Variants in TMEM120B observed in about 807,000 individuals in gnomAD.
TMEM120B encodes transmembrane protein 120B.
Under a neutral mutation model 55.5 loss-of-function variants are expected in TMEM120B, and 31 were observed. That is an observed-to-expected ratio of 0.56 (90% CI 0.42 to 0.75). TMEM120B has a LOEUF of 0.75. Ranked by LOEUF, TMEM120B falls within the 30% of genes least tolerant of loss-of-function variation. The probability of loss-of-function intolerance (pLI) is 0.00; values close to 1 mark genes in which losing one functional copy is unlikely to be tolerated. For synonymous variants in TMEM120B, 203 were observed against 176.3 expected, an observed-to-expected ratio of 1.15 and a Z score of -1.20; for missense variants, 399 against 425.5, an observed-to-expected ratio of 0.94 and a Z score of 0.55.
At chr12:121,728,289 A>G (rs1592926540) in intron 1 of TMEM120B, among the ~76,000 whole-genome samples, 1 of 151,676 alleles carries the variant, frequency 6.6e-6, no homozygotes, top group Non-Finnish European at 1.5e-5. Context: ...GGAGATCGAG[A>G]CCATCCTGGC....
chr12:121,752,143 C>A lies in TMEM120B; in HGVS notation c.381C>A (p.Asp127Glu), dbSNP rs751427238. Reference protein sequence around the residue: ...LSNQAKFAYKDEYEKFKLYLT... With the variant: ...LSNQAKFAYKEEYEKFKLYLT... ...GTCGTGGCAGGTTCGCCTACAAGGA[C>A]GAATATGAGAAGTTCAAGCTCTACC... The change falls in exon 5 of 12, where the codon GAC becomes GAA. Residue 127 changes from aspartate to glutamate, a missense_variant. Asp to Glu is a conservative substitution (Grantham distance 45, BLOSUM62 2). Transcript: ENST00000449592. 4 of 1,613,236 alleles carry A rather than the reference C, an allele frequency of 2.5e-6. No homozygotes were observed. The Admixed American group carries it at 6.7e-5, about 27-fold the overall frequency.
intron 1 of TMEM120B, among the ~76,000 whole-genome samples, chr12:121,731,643 C>T (rs1260609776): frequency 6.6e-6 from 1 of 152,314 alleles, no homozygotes; most frequent in East Asian, 1.9e-4. Context: ...TGTAGGTGTA[C>T]TCTAACGTTT....
chr12:121,736,014 G>T (rs1233256709), intron 1 of TMEM120B, among the ~76,000 whole-genome samples: 1 of 151,914 alleles, frequency 6.6e-6, no homozygotes, highest in Non-Finnish European at 1.5e-5. Flanking sequence ...CTATAAAAGT[G>T]TTACTACCTA....
intron 10 of TMEM120B, 85 bp downstream of exon 10, chr12:121,774,807 C>T: frequency 6.8e-7 from 1 of 1,468,122 alleles, no homozygotes; most frequent in Non-Finnish European, 9.3e-7. Context: ...CCTCCTTCTC[C>T]ATCCGTCCCC....
At chr12:121,731,280 C>T (rs559990297) in intron 1 of TMEM120B, among the ~76,000 whole-genome samples, 3 of 152,120 alleles carry the variant, frequency 2.0e-5, no homozygotes, top group African/African-American at 7.2e-5. Context: ...CAGGCGTAGT[C>T]TTGCTTTGTC....
At chr12:121,770,799 C>T (rs532601420) in intron 6 of TMEM120B, 108 bp from the exon 7 acceptor site, 6 of 989,260 alleles carry the variant, frequency 6.1e-6, no homozygotes, top group Admixed American at 5.6e-5. Context: ...TCCAAGAAGC[C>T]GTCTCTGAGT....
At chr12:121,772,506 GC>G (rs1030156098) in intron 8 of TMEM120B, among the ~76,000 whole-genome samples, 5 of 150,786 alleles carry the variant, frequency 3.3e-5, no homozygotes, top group Admixed American at 6.6e-5. Context: ...TGTGATCTCG[GC>G]TCACTGCAAC....
In TMEM120B at chr12:121,761,802, G is replaced by A. The variant is rs543959657; in HGVS notation, c.551+64G>A. The A allele has an allele frequency of 5.6e-5, 74 of 1,324,682 alleles. 1 individual carries two copies. The highest frequency in any genetic ancestry group is 3.3e-4 in the South Asian group (28 of 84,780). The allele number at this position is 1,324,682 out of a possible 1,614,324, so 82.1% of individuals were successfully genotyped here. A position where few individuals can be genotyped will look rare whatever the true frequency, so the allele number is the denominator to read the frequency against. On this transcript the variant is annotated intron_variant, in intron 6 of 11. Coordinates refer to ENST00000449592, the MANE Select transcript of TMEM120B (RefSeq NM_001080825.2). ...GTTAAAGGGAAATGTCACGAGGGGC[G>A]TCAGATGGGGGCCGACACCCTCAGG...
Position 121,779,727 on chromosome 12 carries a change from G to A in TMEM120B, c.*4005G>A. ...TGGAGGTCTCCTAGCACCACCTGGT[G>A]GGTTTGGGACTGGCTCTGAGGACTC... On this transcript the variant is annotated 3_prime_UTR_variant, in exon 12 of 12. Coordinates refer to ENST00000449592, the MANE Select transcript of TMEM120B (RefSeq NM_001080825.2). 6.3e-7 allele frequency: 1 copy of A among 1,576,958 alleles called. No individual in the cohort carries two copies. The highest frequency in any genetic ancestry group is 8.7e-7 in the Non-Finnish European group (1 of 1,154,478).
chr12:121,732,399 G>T (rs77775794), intron 1 of TMEM120B, among the ~76,000 whole-genome samples: 19,177 of 152,056 alleles, frequency 0.13, 1,277 homozygotes, highest in African/African-American at 0.16. Flanking sequence ...TCCAGTGAGG[G>T]ATCCCTCCCC....
intron 1 of TMEM120B, among the ~76,000 whole-genome samples, chr12:121,741,308 C>T (rs569567452): frequency 6.6e-6 from 1 of 152,112 alleles, no homozygotes; most frequent in African/African-American, 2.4e-5. Context: ...TGTAATTCTG[C>T]AAGCTTGAAA....
rs773783574 is a variant in TMEM120B, at chr12:121,779,153, G to A, written c.*3431G>A. On this transcript the variant is annotated 3_prime_UTR_variant, in exon 12 of 12. Transcript: ENST00000449592. ...CCGCGTGGAACAGTGCCAGGTCTAC[G>A]TTTACCCACTACCAGATAGACTTTT... 221 of 283,218 alleles carry A rather than the reference G, an allele frequency of 7.8e-4. No homozygotes were observed. Among genetic ancestry groups the A allele is most frequent in the Non-Finnish European group, 1.3e-3 (189 of 143,896 alleles). The allele number at this position is 283,218 out of a possible 1,614,324, so 17.5% of individuals were successfully genotyped here.
chr12:121,714,053 TAGAC>T lies in TMEM120B; in HGVS notation c.69+1093_69+1096del, dbSNP rs546843292. ...ACACGTGGTTGTAGATTCTGATCAA[TAGAC>T]AGAGGGTTGCTGGAGAGCCGGGGCA... On this transcript the variant is annotated intron_variant, in intron 1 of 11. Transcript: ENST00000449592. Among the ~76,000 whole-genome samples, 31 of 152,114 alleles carry T rather than the reference TAGAC, an allele frequency of 2.0e-4. No individual in the cohort carries two copies. The South Asian group carries it at 5.2e-3, about 25-fold the overall frequency.
At position 121,775,744 on chromosome 12, in the gene TMEM120B, G is replaced by A. The variant is rs375683310; in HGVS notation, c.*22G>A. 2.4e-5 allele frequency: 38 copies of A among 1,612,462 alleles called. No homozygotes were observed. Among genetic ancestry groups the A allele is most frequent in the South Asian group, 3.3e-5 (3 of 91,066 alleles). The stretch of plus-strand genomic sequence containing the variant: ...GTGAGCCTCGGGCTCCTGTGCCCTC[G>A]GCCCGGACTTCAGACTGCAGGGGGC... On this transcript the variant is annotated 3_prime_UTR_variant, in exon 12 of 12. Transcript: ENST00000449592. This position sits in a 1 kb window ranked among gnomAD's most constrained non-coding sequence, Gnocchi z 4.3.
chr12:121,754,673 A>G (rs1485036148), intron 5 of TMEM120B, among the ~76,000 whole-genome samples: 1 of 152,186 alleles, frequency 6.6e-6, no homozygotes, highest in Non-Finnish European at 1.5e-5. Context: ...AGGACACTAG[A>G]CACTGGATTT....
intron 5 of TMEM120B, among the ~76,000 whole-genome samples, chr12:121,759,558 A>G (rs1873601264): frequency 6.6e-6 from 1 of 151,616 alleles, no homozygotes; most frequent in Admixed American, 6.6e-5. Flanking sequence ...GGCGCCTGTA[A>G]TCCCATCTAC....
In TMEM120B at chr12:121,775,183, C is replaced by T. The variant is rs1419152105; in HGVS notation, c.906+53C>T. 3.2e-6 allele frequency: 4 copies of T among 1,261,492 alleles called. No homozygotes were observed. The highest frequency in any genetic ancestry group is 2.9e-5 in the East Asian group (1 of 34,784). 78.1% of individuals were successfully genotyped at this position (1,261,492 alleles called of 1,614,324 possible). A position where few individuals can be genotyped will look rare whatever the true frequency, so the allele number is the denominator to read the frequency against. ...GAGGTTCCCGGGAGGGCTGGGGTGG[C>T]AGGGATGGGGTGTATGTGTGGCATG... On this transcript the variant is annotated intron_variant, in intron 11 of 11. Coordinates refer to ENST00000449592, the MANE Select transcript of TMEM120B (RefSeq NM_001080825.2). This position sits in a 1 kb window ranked among gnomAD's most constrained non-coding sequence, Gnocchi z 4.3.
In TMEM120B at chr12:121,780,853, G is replaced by A. The variant is rs1246950995; in HGVS notation, c.*5131G>A. On this transcript the variant is annotated 3_prime_UTR_variant, in exon 12 of 12. Transcript: ENST00000449592. ...CTTCACAGCCACGGCTGTGCCCCAG[G>A]GTCTTGGCCCCGGCCCACCTGCATG... 6 of 1,608,174 alleles carry A rather than the reference G, an allele frequency of 3.7e-6. No individual in the cohort carries two copies. The Admixed American group carries it at 1.0e-4, about 27-fold the overall frequency.
chr12:121,770,949 C>T lies in TMEM120B; in HGVS notation c.594C>T (p.Phe198=). The change falls in exon 7 of 12, where the codon TTC becomes TTT. Residue 198 remains phenylalanine, a synonymous_variant. Transcript: ENST00000449592. ...WWVSHHYVST[F]LSGVMLTWPN... ...TGTCTCACCACTACGTCTCCACATT[C>T]CTGTCCGGAGTGATGCTGACCTGGT... 1 of 1,614,120 alleles carries T rather than the reference C, an allele frequency of 6.2e-7. No individual in the cohort carries two copies. Among genetic ancestry groups the T allele is most frequent in the Non-Finnish European group, 8.5e-7 (1 of 1,180,010 alleles).
Sources: gnomAD v4.1 joint callset for allele counts (sites outside exome capture counted in the v4.1 genomes callset) on GRCh38, gnomAD v4.1.1 for gene constraint, Gnocchi (gnomAD v3.1) non-coding constraint, MANE v1.5 for transcripts, NCBI Gene and HGNC (gene_info 2026-07-23, HGNC 2026-07-21) for gene names.